COX5A: variants seen among roughly 807,000 people sequenced by gnomAD.
COX5A encodes cytochrome c oxidase subunit 5A, also known as cytochrome c oxidase subunit 5A, mitochondrial.
A neutral mutation model predicts 16.1 loss-of-function variants in COX5A; 6 were observed. The observed-to-expected ratio is 0.37, with a 90% confidence interval of 0.20 to 0.73. The LOEUF (loss-of-function observed/expected upper bound fraction) is 0.73, where lower values mean the gene tolerates loss of function less well. Among genes scored for constraint, COX5A ranks in the 30% least tolerant of loss-of-function variants. COX5A has a pLI of 0.50. For synonymous variants in COX5A, 73 were observed against 73.8 expected, an observed-to-expected ratio of 0.99 and a Z score of 0.06; for missense variants, 159 against 194.9, an observed-to-expected ratio of 0.82 and a Z score of 1.10.
rs1188279510 is a variant in COX5A, at chr15:74,923,687, A to G, written c.423T>C (p.Thr141=). 1 of 1,611,456 alleles carries G rather than the reference A, an allele frequency of 6.2e-7. No homozygotes were observed. Among genetic ancestry groups the G allele is most frequent in the Admixed American group, 1.7e-5 (1 of 59,994 alleles). Residue 141 remains threonine (T), a synonymous_variant, in exon 4 of 5, where the codon ACT becomes ACC. Transcript: ENST00000322347. ...RPTLNELGIS[T]PEELGLDKV is the part of the protein sequence containing the mutation. ...CTTTGTCAAGGCCCAGTTCCTCCGG[A>G]GTGGAGATTCCCAGTTCATTTAAAG...
intron 1 of COX5A, among the ~76,000 whole-genome samples, chr15:74,929,652 C>T (rs980405627): frequency 5.3e-5 from 8 of 152,178 alleles, no homozygotes; most frequent in African/African-American, 1.9e-4. Context: ...GTAGTGCCAG[C>T]TACTCAGAGG....
intron 1 of COX5A, among the ~76,000 whole-genome samples, chr15:74,931,338 T>C (rs1356049464): frequency 6.6e-6 from 1 of 151,700 alleles, no homozygotes; most frequent in African/African-American, 2.4e-5. Context: ...CCGTCTCTAC[T>C]AAAAATACAA....
chr15:74,923,856 T>TGATTCAGTGAA, intron 3 of COX5A, 86 bp from the exon 4 acceptor site: 1 of 854,842 alleles, frequency 1.2e-6, no homozygotes. Context: ...TGCCTTTAAT[T>TGATTCAGTGAA]ACTTATGCAG....
intron 4 of COX5A, among the ~76,000 whole-genome samples, chr15:74,922,522 A>C (rs559727671): frequency 6.6e-6 from 1 of 152,264 alleles, no homozygotes; most frequent in East Asian, 1.9e-4. Context: ...GTATTTAATT[A>C]ACTAAAGGAG....
chr15:74,930,756 G>A (rs1257238881), intron 1 of COX5A, among the ~76,000 whole-genome samples: 7 of 147,214 alleles, frequency 4.8e-5, no homozygotes, highest in South Asian at 2.2e-4. Context: ...GGTGGCTCAC[G>A]CCTGTAATCC....
At chr15:74,926,943 G>T in intron 2 of COX5A, 56 bp from the exon 3 acceptor site, 1 of 1,566,282 alleles carries the variant, frequency 6.4e-7, no homozygotes, top group African/African-American at 1.4e-5. Context: ...CTTAAACTAT[G>T]AGTTATTTAT....
chr15:74,929,550 T>C (rs28616798), intron 1 of COX5A, among the ~76,000 whole-genome samples: 1,733 of 152,316 alleles, frequency 0.011, 28 homozygotes, highest in African/African-American at 0.04. Context: ...AACTACTTTA[T>C]ATACTTCCAT....
intron 1 of COX5A, among the ~76,000 whole-genome samples, chr15:74,935,230 G>C (rs1160396897): frequency 1.3e-5 from 2 of 151,976 alleles, no homozygotes; most frequent in Non-Finnish European, 2.9e-5. Context: ...AGGAGGTTAA[G>C]GCTGCAGTGA....
At chr15:74,936,206 G>A (rs1024324209) in intron 1 of COX5A, among the ~76,000 whole-genome samples, 1 of 151,942 alleles carries the variant, frequency 6.6e-6, no homozygotes, top group South Asian at 2.1e-4. Flanking sequence ...CAGGAGAATC[G>A]CTTGAGCCAA....
chr15:74,931,742 C>T (rs911074562), intron 1 of COX5A, among the ~76,000 whole-genome samples: 9 of 151,926 alleles, frequency 5.9e-5, no homozygotes, highest in South Asian at 2.1e-4. Flanking sequence ...TGAGTAGAGA[C>T]GGGATTTCAC....
At chr15:74,925,547 C>A (rs931139799) in intron 3 of COX5A, among the ~76,000 whole-genome samples, 1 of 151,544 alleles carries the variant, frequency 6.6e-6, no homozygotes, top group Non-Finnish European at 1.5e-5. Flanking sequence ...CACCCCCACG[C>A]CCGGCTAATT....
intron 3 of COX5A, among the ~76,000 whole-genome samples, chr15:74,924,752 G>A (rs2065336198): frequency 6.6e-6 from 1 of 152,136 alleles, no homozygotes; most frequent in African/African-American, 2.4e-5. Flanking sequence ...TTTTTCATTT[G>A]CCTCCAATTT....
At position 74,920,222 on chromosome 15, in the gene COX5A, T is replaced by C; in HGVS notation, c.*230A>G. The C allele has an allele frequency of 1.7e-6, 1 of 574,154 alleles. No homozygotes were observed. Among genetic ancestry groups the C allele is most frequent in the Non-Finnish European group, 3.0e-6 (1 of 332,560 alleles). The allele number at this position is 574,154 out of a possible 1,614,324, so 35.6% of individuals were successfully genotyped here. ...GAGGGCAGCAAAACCATGAAACCAATACAGCACTTAATTTTCTGCTTATTA... is the reference window on the plus strand; with the variant it reads ...GAGGGCAGCAAAACCATGAAACCAACACAGCACTTAATTTTCTGCTTATTA... On this transcript the variant is annotated 3_prime_UTR_variant, in exon 5 of 5. Coordinates refer to ENST00000322347, the MANE Select transcript of COX5A (RefSeq NM_004255.4).
chr15:74,929,291 T>C, intron 1 of COX5A, 59 bp from the exon 2 acceptor site: 1 of 1,209,884 alleles, frequency 8.3e-7, no homozygotes, highest in Non-Finnish European at 1.2e-6. Flanking sequence ...TATATTTTGT[T>C]CAATGCATTA....
At chr15:74,925,047 G>A (rs2141270844) in intron 3 of COX5A, among the ~76,000 whole-genome samples, 2 of 152,326 alleles carry the variant, frequency 1.3e-5, no homozygotes, top group South Asian at 4.1e-4. Context: ...TGCCGGCCGG[G>A]CGTGGTGGCT....
chr15:74,933,940 T>G (rs1017743751), intron 1 of COX5A, among the ~76,000 whole-genome samples: 1 of 152,204 alleles, frequency 6.6e-6, no homozygotes, highest in Admixed American at 6.5e-5. Flanking sequence ...CTTCAAGGAT[T>G]TGATCATATG....
intron 3 of COX5A, among the ~76,000 whole-genome samples, chr15:74,925,049 G>A (rs543744453): frequency 8.5e-5 from 13 of 152,274 alleles, no homozygotes; most frequent in Non-Finnish European, 1.3e-4. Flanking sequence ...CCGGCCGGGC[G>A]TGGTGGCTCA....
In COX5A at chr15:74,938,054, C is replaced by G; in HGVS notation, c.-40G>C. On this transcript the variant is annotated 5_prime_UTR_variant, in exon 1 of 5. Coordinates refer to ENST00000322347, the MANE Select transcript of COX5A (RefSeq NM_004255.4). ...CGCGCGGGCTGAGGACAGAGAGAAG[C>G]CGGTGTAAGCTCGCGGGTTGCTCCG... 2.5e-6 allele frequency: 3 copies of G among 1,195,968 alleles called. No homozygotes were observed. The highest frequency in any genetic ancestry group is 4.2e-5 in the South Asian group (1 of 23,664). 74.1% of individuals were successfully genotyped at this position (1,195,968 alleles called of 1,614,324 possible).
rs537722712 is a variant in COX5A at position 74,924,727 on chromosome 15, G to A, written c.340-957C>T. Among the ~76,000 whole-genome samples the A allele has an allele frequency of 2.6e-5, 4 of 152,314 alleles. No homozygotes were observed. In the South Asian group the frequency reaches 8.3e-4, roughly 32 times the overall value. ...CCCAGCAGGCAACACGAATAATTAA[G>A]TTAACGGGAAAAGTTTTTTCATTTG... On this transcript the variant is annotated intron_variant, in intron 3 of 4. Coordinates refer to ENST00000322347, the MANE Select transcript of COX5A (RefSeq NM_004255.4).
Sources: allele counts gnomAD v4.1 joint callset (sites outside exome capture counted in the v4.1 genomes callset), GRCh38; gene constraint gnomAD v4.1.1; transcripts MANE v1.5; gene names NCBI Gene and HGNC (gene_info 2026-07-23, HGNC 2026-07-21).